Variants in PRKAR1A observed in about 807,000 individuals in gnomAD.
PRKAR1A encodes protein kinase cAMP-dependent type I regulatory subunit alpha.
Under a neutral mutation model 52.0 loss-of-function variants are expected in PRKAR1A, and 3 were observed. The ratio of observed to expected loss-of-function variants is 0.06; its 90% CI spans 0.03 to 0.15. The LOEUF (loss-of-function observed/expected upper bound fraction) is 0.15. Ranked by LOEUF, PRKAR1A falls within the 10% of genes least tolerant of loss-of-function variation. PRKAR1A has a pLI of 1.00. For synonymous variants in PRKAR1A, 188 were observed against 168.4 expected, an observed-to-expected ratio of 1.12 and a Z score of -0.90; for missense variants, 240 against 477.4, an observed-to-expected ratio of 0.50 and a Z score of 4.63.
chr17:68,535,074 G>A (rs998574478), downstream of PRKAR1A: 4 of 358,728 alleles, frequency 1.1e-5, no homozygotes, highest in East Asian at 7.3e-5. Flanking sequence ...TACAGTTCCC[G>A]TTCATTTTTT....
At chr17:68,538,714 T>G (rs1200814527) in intron 11 of PRKAR1A, among the ~76,000 whole-genome samples, 2 of 152,226 alleles carry the variant, frequency 1.3e-5, no homozygotes, top group African/African-American at 4.8e-5. Flanking sequence ...GAGGTCTGAT[T>G]AGTAATATCA....
the PRKAR1A span, chr17:68,444,456 A>G: frequency 6.3e-7 from 1 of 1,582,030 alleles, no homozygotes; most frequent in Non-Finnish European, 8.7e-7. Context: ...CCAGGACATG[A>G]AATTTCAGGG....
chr17:68,550,734 C>T (rs368296005), intron 11 of PRKAR1A, among the ~76,000 whole-genome samples: 5 of 152,026 alleles, frequency 3.3e-5, no homozygotes, highest in Admixed American at 6.6e-5. Context: ...CTTGGGATCA[C>T]GGGGAGAGCC....
the PRKAR1A span, among the ~76,000 whole-genome samples, chr17:68,431,121 C>T: frequency 3.3e-5 from 5 of 152,140 alleles, no homozygotes; most frequent in East Asian, 1.9e-4. Context: ...AAGAGGTGTA[C>T]GATCCAGACC....
the PRKAR1A span, chr17:68,435,663 G>A: frequency 6.2e-7 from 1 of 1,614,246 alleles, no homozygotes; most frequent in South Asian, 1.1e-5. Context: ...GGCATTGAAG[G>A]TGATGGCAGC....
chr17:68,456,543 A>G, the PRKAR1A span, among the ~76,000 whole-genome samples: 1 of 152,216 alleles, frequency 6.6e-6, no homozygotes, highest in Non-Finnish European at 1.5e-5. Flanking sequence ...AATCCTGCAG[A>G]TGCCTGAAAC....
intron 11 of PRKAR1A, chr17:68,541,882 A>G (rs1291283701): frequency 7.3e-7 from 1 of 1,370,114 alleles, no homozygotes; most frequent in African/African-American, 1.4e-5. Context: ...AGGAGTATTG[A>G]GGCAGCTTTT....
chr17:68,475,418 C>G, the PRKAR1A span, among the ~76,000 whole-genome samples: 1 of 152,202 alleles, frequency 6.6e-6, no homozygotes, highest in African/African-American at 2.4e-5. Flanking sequence ...CAATTCCTCT[C>G]TAAGTCCTGC....
the PRKAR1A span, among the ~76,000 whole-genome samples, chr17:68,486,511 T>TCCTTCCTTCCTTCCTTCCC: frequency 0.011 from 468 of 42,270 alleles, 7 homozygotes; most frequent in Non-Finnish European, 0.011. Flanking sequence ...CCTTCCTTCT[T>TCCTTCCTTCCTTCCTTCCC]TCTTTCTTTC....
chr17:68,428,228 G>GTT, the PRKAR1A span: 58 of 136,024 alleles, frequency 4.3e-4, no homozygotes, highest in Middle Eastern at 4.2e-3. Context: ...CAGGGAATAG[G>GTT]TTTTTTTTTT....
chr17:68,433,166 C>CTGT, the PRKAR1A span, among the ~76,000 whole-genome samples: 14 of 152,262 alleles, frequency 9.2e-5, no homozygotes, highest in Non-Finnish European at 2.1e-4. Flanking sequence ...TTTAATACTA[C>CTGT]TGTTATGTTC....
At chr17:68,430,079 C>G in the PRKAR1A span, 3 of 1,614,188 alleles carry the variant, frequency 1.9e-6, no homozygotes, top group East Asian at 6.7e-5. Context: ...TCATGTCTGA[C>G]ACCTGGGTAG....
chr17:68,442,710 G>C, the PRKAR1A span, among the ~76,000 whole-genome samples: 1 of 152,158 alleles, frequency 6.6e-6, no homozygotes, highest in South Asian at 2.1e-4. Context: ...GCTCTATGCA[G>C]ATTCAGGGGC....
Position 68,520,812 on chromosome 17 carries a change from A to G in PRKAR1A, c.178-1944A>G, listed in dbSNP as rs79076052. ...AATCTTAAAAATTCAGTGAAGTAGA[A>G]TGTAGTCCCAAGTGAAATGTTATTT... On this transcript the variant is annotated intron_variant, in intron 2 of 10. Transcript: ENST00000589228. 4.4e-3 allele frequency among the ~76,000 whole-genome samples: 668 copies of G among 152,342 alleles called. 5 individuals carry two copies. Among genetic ancestry groups the G allele is most frequent in the African/African-American group, 0.015 (631 of 41,580 alleles).
chr17:68,487,984 A>G, the PRKAR1A span, among the ~76,000 whole-genome samples: 1 of 151,990 alleles, frequency 6.6e-6, no homozygotes, highest in African/African-American at 2.4e-5. Flanking sequence ...TGTATGAAAG[A>G]GAGAGAGAGG....
At chr17:68,472,944 CA>C in the PRKAR1A span, among the ~76,000 whole-genome samples, 39 of 144,080 alleles carry the variant, frequency 2.7e-4, no homozygotes, top group South Asian at 2.2e-3. Context: ...TACTCTGTCT[CA>C]AAAAAAAAAG....
chr17:68,506,220 C>T, the PRKAR1A span, among the ~76,000 whole-genome samples: 1 of 151,968 alleles, frequency 6.6e-6, no homozygotes, highest in East Asian at 1.9e-4. Context: ...CTCACACCAT[C>T]TTCCATCTTA....
the PRKAR1A span, among the ~76,000 whole-genome samples, chr17:68,446,736 T>C: frequency 6.6e-6 from 1 of 152,226 alleles, no homozygotes; most frequent in African/African-American, 2.4e-5. Context: ...ATCCCTGGGA[T>C]AGCGGGGCCT....
the PRKAR1A span, among the ~76,000 whole-genome samples, chr17:68,504,331 G>C: frequency 6.6e-6 from 1 of 152,022 alleles, no homozygotes; most frequent in Non-Finnish European, 1.5e-5. Context: ...GCCAGGCATG[G>C]TGGTGCACAC....
Sources: allele counts gnomAD v4.1 joint callset (sites outside exome capture counted in the v4.1 genomes callset), GRCh38; gene constraint gnomAD v4.1.1; transcripts MANE v1.5; gene names NCBI Gene and HGNC (gene_info 2026-07-23, HGNC 2026-07-21).